TPMT: variants seen among roughly 807,000 people sequenced by gnomAD.
TPMT encodes S-adenosyl-L-methionine:thiopurine S-methyltransferase.
TPMT carries 18 observed loss-of-function variants against 34.2 expected under a neutral mutation model. The ratio of observed to expected loss-of-function variants is 0.53; its 90% CI spans 0.36 to 0.78. TPMT has a LOEUF of 0.78. TPMT is among the 30% of genes least tolerant of loss of function. The pLI, the probability that TPMT is intolerant of heterozygous loss-of-function variation, is 0.00. For missense variants in TPMT, 265 were observed against 288.1 expected (o/e 0.92, Z 0.58); for synonymous variants, 69 against 92.4 (o/e 0.75, Z 1.45).
chr6:18,137,266 T>A (rs1196640561), intron 6 of TPMT, among the ~76,000 whole-genome samples: 1 of 152,086 alleles, frequency 6.6e-6, no homozygotes, highest in African/African-American at 2.4e-5. Flanking sequence ...GCCTCCCAAG[T>A]AGCTGGGGCT....
rs1047464419 is a variant in TPMT, at chr6:18,131,633, C to A, written c.625+500G>T. Reference sequence around the variant, plus strand: ...CCATCTCTCTAGAAAAGTTCAAATACCTTTAACATAGAGCATATAGCATAT... The same window carrying A: ...CCATCTCTCTAGAAAAGTTCAAATAACTTTAACATAGAGCATATAGCATAT... On this transcript the variant is annotated intron_variant, in intron 8 of 8. Transcript: ENST00000309983. This position sits in a 1 kb window ranked among gnomAD's most constrained non-coding sequence, Gnocchi z 4.3. Among the ~76,000 whole-genome samples the A allele has an allele frequency of 6.6e-6, 1 of 151,976 alleles. No homozygotes were observed. The highest frequency in any genetic ancestry group is 2.4e-5 in the African/African-American group (1 of 41,376).
chr6:18,143,204 T>A lies in TPMT; in HGVS notation c.366+392A>T, dbSNP rs796889638. On this transcript the variant is annotated intron_variant, in intron 4 of 8. Coordinates refer to ENST00000309983, the MANE Select transcript of TPMT (RefSeq NM_000367.5). The surrounding 1 kb of genome is among the most constrained non-coding windows in gnomAD (Gnocchi z 6.1). ...GCTCCATGCATTACAAATAGCTTTG[T>A]CCCTGTTTCTCTTCTCTCCTAAACT... 6.6e-6 allele frequency among the ~76,000 whole-genome samples: 1 copy of A among 152,210 alleles called. No homozygotes were observed. Among genetic ancestry groups the A allele is most frequent in the South Asian group, 2.1e-4 (1 of 4,834 alleles).
At position 18,132,007 on chromosome 6, in the gene TPMT, C is replaced by T. The variant is rs1032643696; in HGVS notation, c.625+126G>A. On this transcript the variant is annotated intron_variant, in intron 8 of 8. Coordinates refer to ENST00000309983, the MANE Select transcript of TPMT (RefSeq NM_000367.5). This position sits in a 1 kb window ranked among gnomAD's most constrained non-coding sequence, Gnocchi z 4.8. Reference sequence around the variant, plus strand: ...GGCCAGGCTGGTCTCGAACTCCTGGCCTCAGGTGATCTGCCCACCTTGGCC... The same window carrying T: ...GGCCAGGCTGGTCTCGAACTCCTGGTCTCAGGTGATCTGCCCACCTTGGCC... 2.1e-6 allele frequency: 2 copies of T among 938,878 alleles called. No individual in the cohort carries two copies. The highest frequency in any genetic ancestry group is 3.4e-6 in the Non-Finnish European group (2 of 584,250). The allele number at this position is 938,878 out of a possible 1,614,324, so 58.2% of individuals were successfully genotyped here.
rs1784308706 is a variant in TPMT at position 18,149,344 on chromosome 6, A to G, written c.-44-173T>C. On this transcript the variant is annotated intron_variant, in intron 1 of 8. Coordinates refer to ENST00000309983, the MANE Select transcript of TPMT (RefSeq NM_000367.5). This position sits in a 1 kb window ranked among gnomAD's most constrained non-coding sequence, Gnocchi z 5.0. Reference sequence around the variant, plus strand: ...CTCACTCTGTCTCCCAGCCTGGGGTACAGTAGTGTGATCTTGGCTCACTGC... The same window carrying G: ...CTCACTCTGTCTCCCAGCCTGGGGTGCAGTAGTGTGATCTTGGCTCACTGC... 6.6e-6 allele frequency among the ~76,000 whole-genome samples: 1 copy of G among 152,124 alleles called. No homozygotes were observed. Among genetic ancestry groups the G allele is most frequent in the South Asian group, 2.1e-4 (1 of 4,832 alleles).
rs1784041678 is a variant in TPMT at position 18,136,426 on chromosome 6, C to T, written c.494+2537G>A. Among the ~76,000 whole-genome samples, 1 of 152,122 alleles carries T rather than the reference C, an allele frequency of 6.6e-6. No homozygotes were observed. The highest frequency in any genetic ancestry group is 1.5e-5 in the Non-Finnish European group (1 of 68,036). On this transcript the variant is annotated intron_variant, in intron 6 of 8. Transcript: ENST00000309983. The surrounding 1 kb of genome is among the most constrained non-coding windows in gnomAD (Gnocchi z 4.7). ...TAATCTGTTCAGTTACTTGCCCCGC[C>T]TCTGGCATACTATCTATTTGGAACA...
chr6:18,134,186 T>G (rs1034743552), intron 6 of TPMT, among the ~76,000 whole-genome samples: 2 of 152,162 alleles, frequency 1.3e-5, no homozygotes, highest in African/African-American at 4.8e-5. Flanking sequence ...TCTGGCCTGA[T>G]GAGGTACTCG....
chr6:18,133,760 C>G (rs1783989407), intron 7 of TPMT, 44 bp downstream of exon 7: 1 of 1,404,628 alleles, frequency 7.1e-7, no homozygotes, highest in South Asian at 1.2e-5. Context: ...TATCAAGAAA[C>G]TAGGCAACTG....
At chr6:18,141,753 T>C (rs1246569738) in intron 4 of TPMT, among the ~76,000 whole-genome samples, 1 of 152,196 alleles carries the variant, frequency 6.6e-6, no homozygotes, top group East Asian at 1.9e-4. Context: ...ATTCAGGAGT[T>C]AAGAAGAAAT....
At chr6:18,133,321 GA>G (rs1460659497) in intron 7 of TPMT, among the ~76,000 whole-genome samples, 1 of 152,172 alleles carries the variant, frequency 6.6e-6, no homozygotes, top group East Asian at 1.9e-4. Context: ...GAATGCAATA[GA>G]TAGATTATAA....
In TPMT at chr6:18,150,459, A is replaced by G. The variant is rs1367953650; in HGVS notation, c.-44-1288T>C. 6.6e-6 allele frequency among the ~76,000 whole-genome samples: 1 copy of G among 152,210 alleles called. No individual in the cohort carries two copies. The highest frequency in any genetic ancestry group is 2.4e-5 in the African/African-American group (1 of 41,460). ...TATACTATCAATATCATCTTGGAGA[A>G]TTCTCTCCTGGAATCTGCCCTGATT... On this transcript the variant is annotated intron_variant, in intron 1 of 8. Coordinates refer to ENST00000309983, the MANE Select transcript of TPMT (RefSeq NM_000367.5). The surrounding 1 kb of genome is among the most constrained non-coding windows in gnomAD (Gnocchi z 5.3).
At position 18,148,367 on chromosome 6, in the gene TPMT, C is replaced by T. The variant is rs1218517677; in HGVS notation, c.141-452G>A. 6.6e-6 allele frequency among the ~76,000 whole-genome samples: 1 copy of T among 152,124 alleles called. No individual in the cohort carries two copies. Among genetic ancestry groups the T allele is most frequent in the Admixed American group, 6.6e-5 (1 of 15,264 alleles). On this transcript the variant is annotated intron_variant, in intron 2 of 8. Coordinates refer to ENST00000309983, the MANE Select transcript of TPMT (RefSeq NM_000367.5). This position sits in a 1 kb window ranked among gnomAD's most constrained non-coding sequence, Gnocchi z 4.1. ...GGCTCTTCTAAGGCCATCCACATGA[C>T]AGAAATAACCCAGTGTTTCTGGTAT... is the stretch of plus-strand genomic sequence containing the variant.
At chr6:18,152,562 A>G (rs1784371724) in intron 1 of TPMT, among the ~76,000 whole-genome samples, 1 of 152,002 alleles carries the variant, frequency 6.6e-6, no homozygotes, top group South Asian at 2.1e-4. Context: ...AACTGACTGA[A>G]GGCACACTTT....
chr6:18,148,140 AT>A lies in TPMT; in HGVS notation c.141-226del, dbSNP rs1176293100. ...CTTTCCTGATTAGTAATTAAAAATA[AT>A]TTTTTTTTCTTGGGGATGTTTTGAA... On this transcript the variant is annotated intron_variant, in intron 2 of 8. Transcript: ENST00000309983. The surrounding 1 kb of genome is among the most constrained non-coding windows in gnomAD (Gnocchi z 4.1). Among the ~76,000 whole-genome samples, 4 of 151,680 alleles carry A rather than the reference AT, an allele frequency of 2.6e-5. No homozygotes were observed. Among genetic ancestry groups the A allele is most frequent in the East Asian group, 1.9e-4 (1 of 5,176 alleles).
At position 18,135,465 on chromosome 6, in the gene TPMT, G is replaced by A. The variant is rs1682193203; in HGVS notation, c.495-1576C>T. ...AGTACTTGACAATGTACAATCTAAG[G>A]AGAAGACACCCAGTCCTAACGAAAG... On this transcript the variant is annotated intron_variant, in intron 6 of 8. Coordinates refer to ENST00000309983, the MANE Select transcript of TPMT (RefSeq NM_000367.5). This position sits in a 1 kb window ranked among gnomAD's most constrained non-coding sequence, Gnocchi z 5.0. Among the ~76,000 whole-genome samples the A allele has an allele frequency of 6.6e-6, 1 of 152,098 alleles. No homozygotes were observed. The highest frequency in any genetic ancestry group is 2.4e-5 in the African/African-American group (1 of 41,436).
intron 1 of TPMT, among the ~76,000 whole-genome samples, chr6:18,152,926 AT>A (rs1784382154): frequency 6.6e-6 from 1 of 152,166 alleles, no homozygotes; most frequent in African/African-American, 2.4e-5. Flanking sequence ...TCTACTGAGA[AT>A]GCACAGTAAG....
rs1305145174 is a variant in TPMT at position 18,140,652 on chromosome 6, C to G, written c.367-935G>C. Among the ~76,000 whole-genome samples the G allele has an allele frequency of 6.6e-6, 1 of 151,374 alleles. No homozygotes were observed. Among genetic ancestry groups the G allele is most frequent in the Non-Finnish European group, 1.5e-5 (1 of 67,872 alleles). ...TGAGCTGTGATTGTGCCACTGCCCT[C>G]CAGCCTGTGTGAGAGTAAGACCCTG... is the stretch of plus-strand genomic sequence containing the variant. On this transcript the variant is annotated intron_variant, in intron 4 of 8. Transcript: ENST00000309983. This position sits in a 1 kb window ranked among gnomAD's most constrained non-coding sequence, Gnocchi z 4.7.
chr6:18,139,640 A>G lies in TPMT; in HGVS notation c.419+25T>C. The G allele has an allele frequency of 6.2e-7, 1 of 1,602,356 alleles. No individual in the cohort carries two copies. The highest frequency in any genetic ancestry group is 8.5e-7 in the Non-Finnish European group (1 of 1,169,656). Reference sequence around the variant, plus strand: ...CCTGGCAAGCATTCAAATTTTTTAAAGTGCAGATGTAGTATTCAACCTACC... The same window carrying G: ...CCTGGCAAGCATTCAAATTTTTTAAGGTGCAGATGTAGTATTCAACCTACC... On this transcript the variant is annotated intron_variant, in intron 5 of 8. Transcript: ENST00000309983. This position sits in a 1 kb window ranked among gnomAD's most constrained non-coding sequence, Gnocchi z 4.2.
At position 18,128,550 on chromosome 6, in the gene TPMT, G is replaced by A. The variant is rs1783869131; in HGVS notation, c.*2118C>T. The A allele has an allele frequency of 6.6e-6, 1 of 152,148 alleles. No homozygotes were observed. Among genetic ancestry groups the A allele is most frequent in the Admixed American group, 6.6e-5 (1 of 15,264 alleles). The allele number at this position is 152,148 out of a possible 1,614,324, so 9.4% of individuals were successfully genotyped here. On this transcript the variant is annotated 3_prime_UTR_variant, in exon 9 of 9. Transcript: ENST00000309983. This position sits in a 1 kb window ranked among gnomAD's most constrained non-coding sequence, Gnocchi z 4.6. Reference sequence around the variant, plus strand: ...CCCACCCTGGGCAGCTGGGCTTCAGGGAGGATGAAAATGGACCCAGGACGC... The same window carrying A: ...CCCACCCTGGGCAGCTGGGCTTCAGAGAGGATGAAAATGGACCCAGGACGC...
In TPMT at chr6:18,128,472, G is replaced by C. The variant is rs562268959; in HGVS notation, c.*2196C>G. ...ATCTCATTTGTATTTAAGATTCTTT[G>C]GGCACAACTGCAAGCGGAAAGGACT... On this transcript the variant is annotated 3_prime_UTR_variant, in exon 9 of 9. Coordinates refer to ENST00000309983, the MANE Select transcript of TPMT (RefSeq NM_000367.5). The surrounding 1 kb of genome is among the most constrained non-coding windows in gnomAD (Gnocchi z 4.6). 5 of 152,128 alleles carry C rather than the reference G, an allele frequency of 3.3e-5. No homozygotes were observed. The highest frequency in any genetic ancestry group is 1.3e-4 in the Admixed American group (2 of 15,278). The allele number at this position is 152,128 out of a possible 1,614,324, so 9.4% of individuals were successfully genotyped here.
Sources: gnomAD v4.1 joint callset for allele counts (sites outside exome capture counted in the v4.1 genomes callset) on GRCh38, gnomAD v4.1.1 for gene constraint, Gnocchi (gnomAD v3.1) non-coding constraint, MANE v1.5 for transcripts, NCBI Gene and HGNC (gene_info 2026-07-23, HGNC 2026-07-21) for gene names.